MYO15B: variants seen among roughly 807,000 people sequenced by gnomAD.
MYO15B encodes myosin XVB pseudogene.
Under a neutral mutation model 119.3 loss-of-function variants are expected in MYO15B, and 207 were observed. The observed-to-expected ratio is 1.73, with a 90% confidence interval of 1.55 to 1.95. The LOEUF is 1.95. MYO15B is among the 30% of genes most tolerant of loss of function. MYO15B has a pLI of 0.00. For missense variants in MYO15B, 2,264 were observed against 1,203.1 expected (o/e 1.88, Z -13.04); for synonymous variants, 966 against 498.9 (o/e 1.94, Z -12.48).
chr17:75,621,295 GA>G, intron 50 of MYO15B, 49 bp from the exon 51 acceptor site: 1 of 673,756 alleles, frequency 1.5e-6, no homozygotes, highest in Non-Finnish European at 2.7e-6. Flanking sequence ...TGGCTGGGAT[GA>G]AGGCAGGAGG....
exon 32 of MYO15B, chr17:75,614,803 G>A: frequency 1.4e-6 from 1 of 702,832 alleles, no homozygotes; most frequent in East Asian, 2.7e-5. Flanking sequence ...AGCCTGGACG[G>A]CTTCCTGGAC....
intron 14 of MYO15B, among the ~76,000 whole-genome samples, chr17:75,598,404 C>T (rs820262): frequency 0.083 from 12,624 of 151,560 alleles, 1,194 homozygotes; most frequent in African/African-American, 0.23. Context: ...TGGTGAAACC[C>T]GGTCTCTACT....
chr17:75,619,234 CCA>C lies in MYO15B; in HGVS notation c.7063+17_7063+18del. 1.4e-6 allele frequency: 1 copy of C among 702,756 alleles called. No homozygotes were observed. Among genetic ancestry groups the C allele is most frequent in the Non-Finnish European group, 2.6e-6 (1 of 384,958 alleles). The allele number at this position is 702,756 out of a possible 1,614,324, so 43.5% of individuals were successfully genotyped here. ...GACCTGCTGGGTATGGGTCCAGGGA[CCA>C]TGGAGTTGGGAGCTTGAGTGCTGGG... is the stretch of plus-strand genomic sequence containing the variant. On this transcript the variant is annotated intron_variant, in intron 44 of 63. Coordinates refer to ENST00000645453, the Ensembl canonical transcript of MYO15B.
chr17:75,623,069 C>T lies in MYO15B; in HGVS notation c.8083-712C>T, dbSNP rs558167519. On this transcript the variant is annotated intron_variant, in intron 53 of 63. Transcript: ENST00000645453. Reference sequence around the variant, plus strand: ...AGCAGGGGCCGGGCGCGGCGGCTCCCGCCTGTAACCCCAGCACTTTGGGAG... The same window carrying T: ...AGCAGGGGCCGGGCGCGGCGGCTCCTGCCTGTAACCCCAGCACTTTGGGAG... Among the ~76,000 whole-genome samples, 146 of 152,366 alleles carry T rather than the reference C, an allele frequency of 9.6e-4. 1 individual carries two copies. In the Middle Eastern group the frequency reaches 0.01, roughly 11 times the overall value.
exon 1 of MYO15B, chr17:75,588,233 G>T: frequency 2.5e-6 from 1 of 398,180 alleles, no homozygotes; most frequent in Non-Finnish European, 4.4e-6. Context: ...ACCGCCGGGG[G>T]CCAGGGAACC....
At chr17:75,625,029 T>A in intron 59 of MYO15B, 94 bp from the exon 60 acceptor site, 1 of 656,586 alleles carries the variant, frequency 1.5e-6, no homozygotes, top group Non-Finnish European at 2.8e-6. Flanking sequence ...GGCTGGGGGG[T>A]GACAGTGGCA....
At position 75,592,426 on chromosome 17, in the gene MYO15B, A is replaced by T. The variant is rs994445133; in HGVS notation, c.2716-2A>T. The T allele has an allele frequency of 1.6e-6, 1 of 630,002 alleles. No individual in the cohort carries two copies. Among genetic ancestry groups the T allele is most frequent in the Non-Finnish European group, 2.8e-6 (1 of 351,936 alleles). 39.0% of individuals were successfully genotyped at this position (630,002 alleles called of 1,614,324 possible). On this transcript the variant is annotated splice_acceptor_variant, in intron 7 of 63. Coordinates refer to ENST00000645453, the Ensembl canonical transcript of MYO15B. LOFTEE classifies it high-confidence loss of function. ...AGCCCCTAAGCCAGTCCTGTCCCCA[A>T]GGCCCAGGCTGAGCGGAGCTTCCAT... is the stretch of plus-strand genomic sequence containing the variant.
rs1296535861 is a variant in MYO15B at position 75,617,792 on chromosome 17, C to A, written c.6815-18C>A. 1.4e-6 allele frequency: 1 copy of A among 697,398 alleles called. No homozygotes were observed. The highest frequency in any genetic ancestry group is 2.0e-5 in the Admixed American group (1 of 49,770). The allele number at this position is 697,398 out of a possible 1,614,324, so 43.2% of individuals were successfully genotyped here. On this transcript the variant is annotated intron_variant, in intron 41 of 63. Coordinates refer to ENST00000645453, the Ensembl canonical transcript of MYO15B. The stretch of plus-strand genomic sequence containing the variant: ...TGCAGCCCCTCACTGAGGCTCCTCA[C>A]CCCCTCCTCTCTGCCAGGCTTGACA...
rs1477948826 is a variant in MYO15B at position 75,610,976 on chromosome 17, G to C, written c.4446+17G>C. On this transcript the variant is annotated intron_variant, in intron 23 of 63. Coordinates refer to ENST00000645453, the Ensembl canonical transcript of MYO15B. ...CCAAGCATGGTAGGTGGCCTGGAAA[G>C]TGGGGGGTTTTACATGGGGCTATGA... 1 of 702,900 alleles carries C rather than the reference G, an allele frequency of 1.4e-6. No homozygotes were observed. The highest frequency in any genetic ancestry group is 1.7e-5 in the African/African-American group (1 of 57,264). 43.5% of individuals were successfully genotyped at this position (702,900 alleles called of 1,614,324 possible).
At chr17:75,608,310 G>C (rs527829894) in intron 21 of MYO15B, among the ~76,000 whole-genome samples, 23 of 151,880 alleles carry the variant, frequency 1.5e-4, no homozygotes, top group Non-Finnish European at 2.7e-4. Flanking sequence ...GTGGAGATGG[G>C]GTTTTACTAT....
chr17:75,625,311 C>T (rs545023722), intron 60 of MYO15B, 73 bp downstream of exon 60: 1 of 648,172 alleles, frequency 1.5e-6, no homozygotes, highest in East Asian at 2.7e-5. Context: ...TGGTACCCTT[C>T]CTGGCCCTAA....
At position 75,619,737 on chromosome 17, in the gene MYO15B, G is replaced by C. The variant is rs1466570223; in HGVS notation, c.7239G>C (p.Leu2413=). 4.3e-6 allele frequency: 3 copies of C among 702,804 alleles called. No individual in the cohort carries two copies. In the African/African-American group the frequency reaches 5.2e-5, roughly 12 times the overall value. The allele number at this position is 702,804 out of a possible 1,614,324, so 43.5% of individuals were successfully genotyped here. ...CCGTGTCCCACCGTGGGCTGCGACT[G>C]CTCAAGGTGACCCAAGGCCCCGGCC... is the stretch of plus-strand genomic sequence containing the variant. The change falls in exon 46 of 64, where the codon CTG becomes CTC. Residue 2413 remains leucine (L), a synonymous_variant. Transcript: ENST00000645453.
chr17:75,590,634 GTGAC>G lies in MYO15B; in HGVS notation c.2196_2199del (p.Cys732Ter), dbSNP rs2056379016. The G allele has an allele frequency of 4.9e-6, 1 of 206,124 alleles. No homozygotes were observed. Among genetic ancestry groups the G allele is most frequent in the South Asian group, 1.9e-4 (1 of 5,382 alleles). 12.8% of individuals were successfully genotyped at this position (206,124 alleles called of 1,614,324 possible). On this transcript the variant is annotated frameshift_variant, in exon 2 of 64. Transcript: ENST00000645453. LOFTEE classifies it high-confidence loss of function. Reference sequence around the variant, plus strand: ...CCCTGTTGTCCCTACAGGCTGGTGTGTGACAGCTCTGTGCTGCTGTGCCTCAAGA... The same window carrying G: ...CCCTGTTGTCCCTACAGGCTGGTGTGAGCTCTGTGCTGCTGTGCCTCAAGA...
At position 75,594,917 on chromosome 17, in the gene MYO15B, CA is replaced by C; in HGVS notation, c.3243del (p.Glu1083ArgfsTer21). The C allele has an allele frequency of 1.4e-6, 1 of 703,078 alleles. No individual in the cohort carries two copies. Among genetic ancestry groups the C allele is most frequent in the Non-Finnish European group, 2.6e-6 (1 of 385,000 alleles). The allele number at this position is 703,078 out of a possible 1,614,324, so 43.6% of individuals were successfully genotyped here. On this transcript the variant is annotated frameshift_variant, in exon 12 of 64. Transcript: ENST00000645453. LOFTEE classifies it high-confidence loss of function. ...AGAACCAATGCACGGCTGGCACCACCAGGGGAGGGAGGCAGCATTGGCACCG... is the reference window on the plus strand; with the variant it reads ...AGAACCAATGCACGGCTGGCACCACCGGGGAGGGAGGCAGCATTGGCACCG...
chr17:75,615,159 TG>T (rs2058289684), intron 33 of MYO15B, 80 bp from the exon 34 acceptor site: 1 of 680,418 alleles, frequency 1.5e-6, no homozygotes, highest in African/African-American at 1.8e-5. Context: ...CGGTGCCCGA[TG>T]CTCTTCTCTG....
At chr17:75,614,992 G>A (rs879027113) in exon 33 of MYO15B, 14 of 702,952 alleles carry the variant, frequency 2.0e-5, no homozygotes, top group Admixed American at 8.0e-5. Context: ...CTGAGCAGCC[G>A]CATGAAGGGA....
Position 75,614,765 on chromosome 17 carries a change from C to T in MYO15B, c.5483-8C>T, listed in dbSNP as rs977221243. The T allele has an allele frequency of 8.5e-6, 6 of 702,840 alleles. No individual in the cohort carries two copies. Among genetic ancestry groups the T allele is most frequent in the East Asian group, 8.0e-5 (3 of 37,290 alleles). 43.5% of individuals were successfully genotyped at this position (702,840 alleles called of 1,614,324 possible). The stretch of plus-strand genomic sequence containing the variant: ...GGCCATGGCTCCAACCCTCTCCCTG[C>T]CCCACAGGGGAGGTCCAGAGGTCAG... On this transcript the variant is annotated splice_region_variant and splice_polypyrimidine_tract_variant and intron_variant, in intron 31 of 63. Transcript: ENST00000645453.
exon 52 of MYO15B, chr17:75,621,518 G>A (rs1382043411): frequency 1.0e-5 from 7 of 702,300 alleles, no homozygotes; most frequent in Non-Finnish European, 1.6e-5. Context: ...TCCAGGAGTC[G>A]CTCCTCAGCC....
At chr17:75,604,148 G>A (rs1226064309) in intron 19 of MYO15B, among the ~76,000 whole-genome samples, 1 of 152,136 alleles carries the variant, frequency 6.6e-6, no homozygotes, top group East Asian at 1.9e-4. Context: ...AAGCTCCAGG[G>A]CGGGGCACGT....
Sources: allele counts gnomAD v4.1 joint callset (sites outside exome capture counted in the v4.1 genomes callset), GRCh38; gene constraint gnomAD v4.1.1; transcripts MANE v1.5; gene names NCBI Gene and HGNC (gene_info 2026-07-23, HGNC 2026-07-21).